Variants in COP1 observed in about 807,000 individuals in gnomAD.
COP1 encodes E3 ubiquitin-protein ligase COP1.
COP1 carries 24 observed loss-of-function variants against 101.3 expected under a neutral mutation model. The ratio of observed to expected loss-of-function variants is 0.24; its 90% CI spans 0.17 to 0.33. The LOEUF (loss-of-function observed/expected upper bound fraction) is 0.33. Ranked by LOEUF, COP1 falls within the 10% of genes least tolerant of loss-of-function variation. COP1 has a pLI of 1.00. For missense variants in COP1, 663 were observed against 906.2 expected (o/e 0.73, Z 3.45); for synonymous variants, 347 against 341.9 (o/e 1.01, Z -0.17).
intron 11 of COP1, among the ~76,000 whole-genome samples, chr1:176,075,159 A>C (rs528373641): frequency 1.3e-5 from 2 of 152,236 alleles, no homozygotes; most frequent in East Asian, 3.9e-4. Context: ...TTGTTAATTA[A>C]ATTATGTAAT....
chr1:176,101,249 G>C (rs1257586686), intron 9 of COP1, among the ~76,000 whole-genome samples: 1 of 152,076 alleles, frequency 6.6e-6, no homozygotes, highest in Non-Finnish European at 1.5e-5. Flanking sequence ...AGGAAAGAAA[G>C]AGGAACACCT....
chr1:176,159,965 T>C (rs1412584712), intron 5 of COP1, among the ~76,000 whole-genome samples: 1 of 152,180 alleles, frequency 6.6e-6, no homozygotes, highest in Non-Finnish European at 1.5e-5. Flanking sequence ...CATATTATTT[T>C]CTGTACTTTT....
chr1:176,002,273 T>C (rs141704560), intron 15 of COP1, among the ~76,000 whole-genome samples: 1 of 152,246 alleles, frequency 6.6e-6, no homozygotes, highest in African/African-American at 2.4e-5. Flanking sequence ...TTTATTCTTT[T>C]TTCTTTGTAT....
At chr1:176,201,485 G>C (rs544647524) in intron 1 of COP1, among the ~76,000 whole-genome samples, 2 of 152,316 alleles carry the variant, frequency 1.3e-5, no homozygotes, top group South Asian at 4.1e-4. Flanking sequence ...ACAGTTCTTA[G>C]ATGGAACATA....
At chr1:176,000,276 T>C (rs75161807) in intron 15 of COP1, among the ~76,000 whole-genome samples, 1,753 of 152,234 alleles carry the variant, frequency 0.012, 31 homozygotes, top group African/African-American at 0.04. Flanking sequence ...GATTTTCATA[T>C]ATGGTGACAG....
intron 8 of COP1, among the ~76,000 whole-genome samples, chr1:176,118,732 A>C (rs1337209590): frequency 1.3e-5 from 2 of 152,224 alleles, no homozygotes; most frequent in Admixed American, 6.5e-5. Flanking sequence ...AGCCTGGGCA[A>C]GAGAGAGGCC....
At chr1:176,126,175 T>C (rs1687954328) in intron 8 of COP1, among the ~76,000 whole-genome samples, 1 of 152,168 alleles carries the variant, frequency 6.6e-6, no homozygotes, top group Non-Finnish European at 1.5e-5. Context: ...CAGGGATAAT[T>C]TGACTTCTTC....
intron 5 of COP1, among the ~76,000 whole-genome samples, chr1:176,160,033 A>G (rs1269858747): frequency 6.6e-6 from 1 of 152,186 alleles, no homozygotes; most frequent in East Asian, 1.9e-4. Flanking sequence ...GAAAGCAATA[A>G]TGTAAAAAAA....
At chr1:176,068,457 C>T (rs1054053039) in intron 11 of COP1, among the ~76,000 whole-genome samples, 1 of 152,182 alleles carries the variant, frequency 6.6e-6, no homozygotes, top group African/African-American at 2.4e-5. Context: ...GATTATGAGG[C>T]ACTGTCCTAA....
At chr1:175,997,568 C>A (rs1180396183) in intron 15 of COP1, among the ~76,000 whole-genome samples, 1 of 151,994 alleles carries the variant, frequency 6.6e-6, no homozygotes, top group Non-Finnish European at 1.5e-5. Flanking sequence ...AACAAACAAC[C>A]CCATGAAAAA....
At chr1:176,198,903 A>G (rs1206256269) in intron 1 of COP1, among the ~76,000 whole-genome samples, 3 of 152,240 alleles carry the variant, frequency 2.0e-5, no homozygotes, top group Admixed American at 2.0e-4. Flanking sequence ...AAAATGACTA[A>G]TATTTAAAAG....
chr1:176,164,541 A>G (rs1008159138), intron 3 of COP1, among the ~76,000 whole-genome samples: 1 of 152,166 alleles, frequency 6.6e-6, no homozygotes, highest in East Asian at 1.9e-4. Flanking sequence ...GAGATGTGCT[A>G]TCTTTCAGAA....
intron 14 of COP1, among the ~76,000 whole-genome samples, chr1:176,031,370 C>T (rs775705307): frequency 5.1e-4 from 78 of 151,998 alleles, no homozygotes; most frequent in Non-Finnish European, 8.7e-4. Context: ...ATAAATGAGG[C>T]GATCCTCAAA....
At chr1:176,041,783 C>T (rs796818942) in intron 14 of COP1, among the ~76,000 whole-genome samples, 6 of 151,450 alleles carry the variant, frequency 4.0e-5, no homozygotes, top group African/African-American at 9.7e-5. Context: ...CTGGCCAGCA[C>T]GGTGAAACCC....
At chr1:176,051,769 C>A (rs1672604483) in intron 11 of COP1, among the ~76,000 whole-genome samples, 1 of 151,854 alleles carries the variant, frequency 6.6e-6, no homozygotes, top group African/African-American at 2.4e-5. Flanking sequence ...TAGGCTAATA[C>A]ATGTGTTTGT....
At chr1:176,015,852 C>A (rs1257310807) in intron 15 of COP1, among the ~76,000 whole-genome samples, 3 of 152,036 alleles carry the variant, frequency 2.0e-5, no homozygotes. Context: ...GTGGCAGAAG[C>A]CTTGGTGAAG....
At chr1:176,117,543 T>C (rs531758556) in intron 8 of COP1, among the ~76,000 whole-genome samples, 4 of 152,316 alleles carry the variant, frequency 2.6e-5, no homozygotes, top group Non-Finnish European at 5.9e-5. Flanking sequence ...ATGACATACA[T>C]ACCAACCGTA....
chr1:176,180,535 A>C (rs1397641826), intron 2 of COP1, among the ~76,000 whole-genome samples: 5 of 152,198 alleles, frequency 3.3e-5, no homozygotes, highest in African/African-American at 1.2e-4. Flanking sequence ...TGCAACTCTT[A>C]AAAATAATTA....
chr1:176,172,788 G>A (rs916527731), intron 3 of COP1, among the ~76,000 whole-genome samples: 10 of 152,094 alleles, frequency 6.6e-5, no homozygotes, highest in South Asian at 2.1e-4. Flanking sequence ...CACATGGATC[G>A]ACATATCTCA....
Sources: gnomAD v4.1 joint callset for allele counts (sites outside exome capture counted in the v4.1 genomes callset) on GRCh38, gnomAD v4.1.1 for gene constraint, MANE v1.5 for transcripts, NCBI Gene and HGNC (gene_info 2026-07-23, HGNC 2026-07-21) for gene names.